KDM4C: variants seen among roughly 807,000 people sequenced by gnomAD.
The protein encoded by KDM4C is lysine-specific demethylase 4C.
KDM4C carries 81 observed loss-of-function variants against 129.3 expected under a neutral mutation model. The ratio of observed to expected loss-of-function variants is 0.63; its 90% CI spans 0.52 to 0.75. The LOEUF (loss-of-function observed/expected upper bound fraction) is 0.75. Ranked by LOEUF, KDM4C falls within the 30% of genes least tolerant of loss-of-function variation. The probability of loss-of-function intolerance (pLI) is 0.00; values close to 1 mark genes in which losing one functional copy is unlikely to be tolerated. For synonymous variants in KDM4C, 573 were observed against 456.1 expected (o/e 1.26, Z -3.26); for missense variants, 1,457 against 1,304.0 (o/e 1.12, Z -1.81).
At chr9:6,875,662 C>G (rs776345324) in intron 5 of KDM4C, among the ~76,000 whole-genome samples, 1 of 152,182 alleles carries the variant, frequency 6.6e-6, no homozygotes, top group African/African-American at 2.4e-5. Flanking sequence ...CTTATTCACA[C>G]TAACTGCCAT....
chr9:6,939,085 C>A (rs1825356121), intron 8 of KDM4C, among the ~76,000 whole-genome samples: 1 of 151,616 alleles, frequency 6.6e-6, no homozygotes, highest in South Asian at 2.1e-4. Flanking sequence ...TCCTAACAGG[C>A]CACAGACTGC....
At chr9:6,836,459 T>C (rs1322779211) in intron 4 of KDM4C, among the ~76,000 whole-genome samples, 1 of 152,176 alleles carries the variant, frequency 6.6e-6, no homozygotes, top group Non-Finnish European at 1.5e-5. Flanking sequence ...AGCATAATGA[T>C]TTTGAATATC....
intron 1 of KDM4C, among the ~76,000 whole-genome samples, chr9:6,742,681 AT>A (rs34282709): frequency 2.0e-4 from 29 of 145,210 alleles, no homozygotes; most frequent in Non-Finnish European, 2.1e-4. Context: ...GGGGTGGGGA[AT>A]TTTTTTTTTT....
intron 4 of KDM4C, among the ~76,000 whole-genome samples, chr9:6,830,073 T>A (rs947758360): frequency 2.0e-5 from 3 of 152,184 alleles, no homozygotes; most frequent in African/African-American, 2.4e-5. Context: ...GTACCAAAAT[T>A]TTTTTTAGTG....
In KDM4C at chr9:7,002,135, C is replaced by G. The variant is rs141689554; in HGVS notation, c.1787-9563C>G. 6.7e-3 allele frequency among the ~76,000 whole-genome samples: 1,017 copies of G among 152,300 alleles called. 13 individuals are homozygous for G. The highest frequency in any genetic ancestry group is 0.023 in the African/African-American group (957 of 41,558). On this transcript the variant is annotated intron_variant, in intron 12 of 21. Transcript: ENST00000381309. ...CTCGAACTCCTGGCCTCAAGTGATC[C>G]TCCTGCCTTGGCCTCCCAAAATGCT...
At chr9:7,044,112 C>G (rs921636783) in intron 15 of KDM4C, among the ~76,000 whole-genome samples, 2 of 151,908 alleles carry the variant, frequency 1.3e-5, no homozygotes, top group African/African-American at 2.4e-5. Context: ...AGTAATAAAG[C>G]TAATAAAAGG....
rs1323923086 is a variant in KDM4C at position 7,130,411 on chromosome 9, G to A, written c.2781+2175G>A. 2.6e-5 allele frequency among the ~76,000 whole-genome samples: 4 copies of A among 152,300 alleles called. No homozygotes were observed. The South Asian group carries it at 8.3e-4, about 32-fold the overall frequency. ...GTGATCCTGTAATGTTTGAAATCCTGCAAGTCTTTCCTTTGACACCCTCCA... is the reference window on the plus strand; with the variant it reads ...GTGATCCTGTAATGTTTGAAATCCTACAAGTCTTTCCTTTGACACCCTCCA... On this transcript the variant is annotated intron_variant, in intron 19 of 21. Transcript: ENST00000381309.
chr9:6,757,545 G>A (rs1353137500), upstream of KDM4C: 4 of 822,572 alleles, frequency 4.9e-6, no homozygotes, highest in East Asian at 1.2e-4. Flanking sequence ...TGTCATCGCC[G>A]GAGAGCTGCG....
At chr9:6,867,214 C>G (rs1429503070) in intron 5 of KDM4C, among the ~76,000 whole-genome samples, 2 of 151,910 alleles carry the variant, frequency 1.3e-5, no homozygotes, top group African/African-American at 4.8e-5. Flanking sequence ...CGGGGTTTCA[C>G]CATGTTGGCT....
chr9:6,863,056 G>A (rs1418843254), intron 5 of KDM4C, among the ~76,000 whole-genome samples: 1 of 152,006 alleles, frequency 6.6e-6, no homozygotes, highest in Non-Finnish European at 1.5e-5. Context: ...AATATATAAA[G>A]ATCAAATCAG....
chr9:6,858,027 C>T (rs1180786976), intron 5 of KDM4C, among the ~76,000 whole-genome samples: 2 of 149,624 alleles, frequency 1.3e-5, no homozygotes, highest in African/African-American at 4.9e-5. Context: ...TCAGTCATAG[C>T]TCATTGTAGC....
chr9:7,055,342 T>G (rs1423697950), intron 17 of KDM4C, among the ~76,000 whole-genome samples: 2 of 152,198 alleles, frequency 1.3e-5, no homozygotes, highest in Admixed American at 1.3e-4. Context: ...AGAAATGAAT[T>G]TTGGAATAGC....
At chr9:6,787,713 C>T (rs1243356239) in intron 1 of KDM4C, among the ~76,000 whole-genome samples, 1 of 152,208 alleles carries the variant, frequency 6.6e-6, no homozygotes, top group Admixed American at 6.5e-5. Flanking sequence ...CCTTGTCGAC[C>T]TCCCTGCTTC....
chr9:7,023,897 A>T (rs913451343), intron 15 of KDM4C, among the ~76,000 whole-genome samples: 1 of 152,214 alleles, frequency 6.6e-6, no homozygotes, highest in African/African-American at 2.4e-5. Flanking sequence ...CCCACTGGTC[A>T]TTCAGGAGCA....
chr9:7,011,496 G>T (rs1324023875), intron 12 of KDM4C, among the ~76,000 whole-genome samples: 1 of 152,118 alleles, frequency 6.6e-6, no homozygotes, highest in East Asian at 1.9e-4. Flanking sequence ...CGTGGGATCT[G>T]ATCTAGTCTT....
At chr9:6,966,258 C>G (rs996290260) in intron 8 of KDM4C, among the ~76,000 whole-genome samples, 1 of 152,108 alleles carries the variant, frequency 6.6e-6, no homozygotes. Context: ...TCTCGGCTCA[C>G]TGCAAGCTCC....
intron 12 of KDM4C, among the ~76,000 whole-genome samples, chr9:7,000,979 A>G (rs1334469459): frequency 6.6e-6 from 1 of 152,230 alleles, no homozygotes; most frequent in Non-Finnish European, 1.5e-5. Flanking sequence ...CCTGGCTGGC[A>G]ACATTCTACA....
chr9:6,722,095 T>A (rs1816973864), intron 1 of KDM4C, among the ~76,000 whole-genome samples: 1 of 152,204 alleles, frequency 6.6e-6, no homozygotes, highest in African/African-American at 2.4e-5. Flanking sequence ...TCCGTGCTGG[T>A]TCCCCAATAG....
At chr9:6,919,573 A>C (rs1821083447) in intron 8 of KDM4C, among the ~76,000 whole-genome samples, 1 of 150,130 alleles carries the variant, frequency 6.7e-6, no homozygotes, top group African/African-American at 2.5e-5. Flanking sequence ...CTATCTATCT[A>C]TCTATCTATC....
Sources: gnomAD v4.1 joint callset for allele counts (sites outside exome capture counted in the v4.1 genomes callset) on GRCh38, gnomAD v4.1.1 for gene constraint, MANE v1.5 for transcripts, NCBI Gene and HGNC (gene_info 2026-07-23, HGNC 2026-07-21) for gene names.